The following ANKS1A variants were observed in gnomAD, a reference collection of about 807,000 sequenced individuals.
The protein encoded by ANKS1A is ankyrin repeat and SAM domain-containing protein 1A.
A neutral mutation model predicts 120.3 loss-of-function variants in ANKS1A; 55 were observed. That is an observed-to-expected ratio of 0.46 (90% confidence interval 0.37 to 0.57). The LOEUF (loss-of-function observed/expected upper bound fraction) is 0.57, where lower values mean the gene tolerates loss of function less well. Among genes scored for constraint, ANKS1A ranks in the 20% least tolerant of loss-of-function variants. The pLI is 0.00. For synonymous variants in ANKS1A, 590 were observed against 604.7 expected, an observed-to-expected ratio of 0.98 and a Z score of 0.36; for missense variants, 1,123 against 1,480.3, an observed-to-expected ratio of 0.76 and a Z score of 3.96.
At chr6:35,091,884 A>G (rs1778319138), downstream of ANKS1A, among the ~76,000 whole-genome samples, 1 of 152,242 alleles carries the variant, frequency 6.6e-6, no homozygotes, top group Non-Finnish European at 1.5e-5. Flanking sequence ...TATGGTAGGG[A>G]TGCAGAGGGC....
chr6:35,018,637 C>A (rs1774171211), intron 11 of ANKS1A, among the ~76,000 whole-genome samples: 1 of 152,076 alleles, frequency 6.6e-6, no homozygotes, highest in African/African-American at 2.4e-5. Context: ...TTGATCTCAT[C>A]ACCCAGGTAG....
In ANKS1A at chr6:35,090,126, A is replaced by G; in HGVS notation, c.*1517A>G. On this transcript the variant is annotated 3_prime_UTR_variant, in exon 24 of 24. Coordinates refer to ENST00000360359, the MANE Select transcript of ANKS1A (RefSeq NM_015245.3). ...AGCACCCAGCAGGTTGGGGCCTGGG[A>G]CTCAGCTCTCTCTGCGGTAGAGGCA... 1.6e-6 allele frequency: 2 copies of G among 1,289,296 alleles called. No individual in the cohort carries two copies. Among genetic ancestry groups the G allele is most frequent in the South Asian group, 1.2e-5 (1 of 81,022 alleles). The allele number at this position is 1,289,296 out of a possible 1,614,324, so 79.9% of individuals were successfully genotyped here. A position where few individuals can be genotyped will look rare whatever the true frequency, so the allele number is the denominator to read the frequency against.
At chr6:35,043,660 A>C (rs760970725) in intron 11 of ANKS1A, among the ~76,000 whole-genome samples, 24 of 152,238 alleles carry the variant, frequency 1.6e-4, no homozygotes, top group Non-Finnish European at 3.1e-4. Flanking sequence ...GTTAATTACA[A>C]AACCAAAGGA....
chr6:35,071,311 C>T (rs1421699606), intron 13 of ANKS1A, among the ~76,000 whole-genome samples: 1 of 152,158 alleles, frequency 6.6e-6, no homozygotes, highest in Non-Finnish European at 1.5e-5. Flanking sequence ...GGCAGCTTTG[C>T]AGGGCCATTT....
chr6:35,079,978 C>T (rs1256879409), intron 16 of ANKS1A, 50 bp downstream of exon 16: 1 of 1,533,262 alleles, frequency 6.5e-7, no homozygotes, highest in South Asian at 1.2e-5. Flanking sequence ...CCTGTATTTG[C>T]AGGAATTACA....
intron 9 of ANKS1A, among the ~76,000 whole-genome samples, chr6:34,992,197 G>T (rs1384398938): frequency 6.6e-6 from 1 of 152,178 alleles, no homozygotes; most frequent in Non-Finnish European, 1.5e-5. Flanking sequence ...CCTTGGACAA[G>T]TCCCCAGACC....
At chr6:35,039,687 G>C (rs1415648458) in intron 11 of ANKS1A, 16 of 453,772 alleles carry the variant, frequency 3.5e-5, no homozygotes, top group Non-Finnish European at 5.3e-5. Context: ...AAAGAGGCAA[G>C]TGTGTGTTTC....
At chr6:34,959,000 C>G (rs1266703747) in intron 1 of ANKS1A, among the ~76,000 whole-genome samples, 1 of 152,196 alleles carries the variant, frequency 6.6e-6, no homozygotes, top group Non-Finnish European at 1.5e-5. Context: ...TGATTGGATT[C>G]AACTGGATTG....
At chr6:35,040,854 C>T (rs1235808132) in intron 11 of ANKS1A, among the ~76,000 whole-genome samples, 4 of 152,332 alleles carry the variant, frequency 2.6e-5, no homozygotes, top group East Asian at 3.9e-4. Context: ...TCTTCTCTCC[C>T]GTAGACCTCA....
At chr6:34,964,546 G>T (rs1770802406) in intron 1 of ANKS1A, among the ~76,000 whole-genome samples, 1 of 152,150 alleles carries the variant, frequency 6.6e-6, no homozygotes, top group South Asian at 2.1e-4. Context: ...AGGACTTAAA[G>T]GTCCAATTTG....
At chr6:34,924,643 G>A (rs1404124879) in intron 1 of ANKS1A, among the ~76,000 whole-genome samples, 1 of 152,190 alleles carries the variant, frequency 6.6e-6, no homozygotes, top group Non-Finnish European at 1.5e-5. Context: ...GTCCTTTGAG[G>A]AAGAGACAAA....
In ANKS1A at chr6:35,088,945, A is replaced by G; in HGVS notation, c.*336A>G. 4 of 1,278,146 alleles carry G rather than the reference A, an allele frequency of 3.1e-6. No homozygotes were observed. Among genetic ancestry groups the G allele is most frequent in the Non-Finnish European group, 4.0e-6 (4 of 1,002,662 alleles). 79.2% of individuals were successfully genotyped at this position (1,278,146 alleles called of 1,614,324 possible). ...CACTTGGCTCAAACCTCTAGGTCAT[A>G]CTGCCAATCTTTAGACAAATGGCCA... On this transcript the variant is annotated 3_prime_UTR_variant, in exon 24 of 24. Transcript: ENST00000360359.
rs760296202 is a variant in ANKS1A at position 34,994,331 on chromosome 6, G to A, written c.1332G>A (p.Gly444=). ...TGTCCATGAGACCTAGGATTCATGG[G>A]AGTGCAGCCCGGGAAGAAGACGAAC... ...EVLSMRPRIH[G]SAAREEDEHP... is the part of the protein sequence containing the mutation. The change falls in exon 10 of 24, where the codon GGG becomes GGA. Residue 444 remains glycine (G), a synonymous_variant. Coordinates refer to ENST00000360359, the MANE Select transcript of ANKS1A (RefSeq NM_015245.3). 17 of 1,613,564 alleles carry A rather than the reference G, an allele frequency of 1.1e-5. No individual in the cohort carries two copies. Among genetic ancestry groups the A allele is most frequent in the Admixed American group, 6.7e-5 (4 of 59,998 alleles).
Position 35,078,596 on chromosome 6 carries a change from CG to C in ANKS1A, c.2225del (p.Gly742AlafsTer21). The C allele has an allele frequency of 6.2e-7, 1 of 1,608,850 alleles. No homozygotes were observed. The highest frequency in any genetic ancestry group is 8.5e-7 in the Non-Finnish European group (1 of 1,179,946). On this transcript the variant is annotated frameshift_variant, in exon 14 of 24. Transcript: ENST00000360359. LOFTEE classifies it high-confidence loss of function. ...TGGAAGAGCAGGACCTGCGGGACAT[CG>C]GCATCAGCGACCCACAGCACCGGCG... ...VMEEQDLRDI[G>X]ISDPQHRRKL... is the part of the protein sequence containing the mutation.
intron 13 of ANKS1A, among the ~76,000 whole-genome samples, chr6:35,068,095 T>C (rs1400846511): frequency 1.3e-5 from 2 of 152,152 alleles, no homozygotes; most frequent in Non-Finnish European, 2.9e-5. Context: ...AGTTTCACCA[T>C]GTTGGCCAGG....
intron 1 of ANKS1A, among the ~76,000 whole-genome samples, chr6:34,953,276 G>T (rs1315042390): frequency 3.3e-5 from 5 of 152,146 alleles, no homozygotes; most frequent in Non-Finnish European, 7.3e-5. Flanking sequence ...TTTAATGAAG[G>T]CAAAGTACAA....
chr6:34,933,063 GACTATT>G (rs1483017334), intron 1 of ANKS1A, among the ~76,000 whole-genome samples: 1 of 152,138 alleles, frequency 6.6e-6, no homozygotes, highest in African/African-American at 2.4e-5. Flanking sequence ...TTTCCCTCAT[GACTATT>G]ACTATTGAAC....
chr6:34,940,646 C>G (rs1389113959), intron 1 of ANKS1A, among the ~76,000 whole-genome samples: 2 of 152,102 alleles, frequency 1.3e-5, no homozygotes, highest in East Asian at 3.9e-4. Context: ...AATATTGGCT[C>G]ACACTTATAA....
intron 11 of ANKS1A, among the ~76,000 whole-genome samples, chr6:35,041,822 A>C (rs1273298504): frequency 3.9e-5 from 6 of 152,212 alleles, no homozygotes; most frequent in African/African-American, 1.4e-4. Flanking sequence ...TTTTCCTGCC[A>C]GCCAGAGGGA....
Sources: gnomAD v4.1 joint callset for allele counts (sites outside exome capture counted in the v4.1 genomes callset) on GRCh38, gnomAD v4.1.1 for gene constraint, MANE v1.5 for transcripts, NCBI Gene and HGNC (gene_info 2026-07-23, HGNC 2026-07-21) for gene names.